SCN9A: variants seen among roughly 807,000 people sequenced by gnomAD.
SCN9A encodes sodium channel protein type 9 subunit alpha.
Under a neutral mutation model 187.0 loss-of-function variants are expected in SCN9A, and 131 were observed. The ratio of observed to expected loss-of-function variants is 0.70; its 90% CI spans 0.61 to 0.81. The LOEUF is 0.81. Among genes scored for constraint, SCN9A ranks in the 30% least tolerant of loss-of-function variants. The pLI is 0.00. For missense variants in SCN9A, 2,252 were observed against 2,396.6 expected, an observed-to-expected ratio of 0.94 and a Z score of 1.26; for synonymous variants, 809 against 808.6, an observed-to-expected ratio of 1.00 and a Z score of -0.01.
chr2:166,242,495 C>G lies in SCN9A; in HGVS notation c.3627+7G>C, dbSNP rs1400405225. On this transcript the variant is annotated splice_region_variant and intron_variant, in intron 19 of 26. Transcript: ENST00000642356. ...CAATATATTGACTTAGGTGTCAGAT[C>G]ATTTACCAGGGCACCACTGCTGAGC... 1 of 1,566,406 alleles carries G rather than the reference C, an allele frequency of 6.4e-7. No homozygotes were observed. Among genetic ancestry groups the G allele is most frequent in the Non-Finnish European group, 8.7e-7 (1 of 1,153,710 alleles).
Position 166,306,504 on chromosome 2 carries a change from A to T in SCN9A, c.467+6T>A, listed in dbSNP as rs1366570582. The T allele has an allele frequency of 6.8e-7, 1 of 1,470,202 alleles. No homozygotes were observed. Among genetic ancestry groups the T allele is most frequent in the African/African-American group, 1.4e-5 (1 of 71,766 alleles). The allele number at this position is 1,470,202 out of a possible 1,614,324, so 91.1% of individuals were successfully genotyped here. ...ACTATATTAAAATGTACTTATACCCACTTACTCGACATTTTTGGTCCAGTC... is the reference window on the plus strand; with the variant it reads ...ACTATATTAAAATGTACTTATACCCTCTTACTCGACATTTTTGGTCCAGTC... On this transcript the variant is annotated splice_donor_region_variant and intron_variant, in intron 4 of 26. Coordinates refer to ENST00000642356, the MANE Select transcript of SCN9A (RefSeq NM_001365536.1).
chr2:166,319,931 T>C (rs921167574), intron 1 of SCN9A, among the ~76,000 whole-genome samples: 8 of 152,064 alleles, frequency 5.3e-5, no homozygotes, highest in African/African-American at 1.9e-4. Context: ...TCAGGTATAT[T>C]CCATTTAAAG....
intron 23 of SCN9A, among the ~76,000 whole-genome samples, chr2:166,227,047 A>G (rs1438079392): frequency 6.6e-6 from 1 of 152,118 alleles, no homozygotes; most frequent in Non-Finnish European, 1.5e-5. Flanking sequence ...AGTACTGTAA[A>G]TGAGACATTA....
intron 26 of SCN9A, 136 bp downstream of exon 26, chr2:166,203,819 G>A (rs1402412085): frequency 1.6e-6 from 1 of 623,164 alleles, no homozygotes; most frequent in Non-Finnish European, 2.7e-6. Flanking sequence ...TTGCTTTTTA[G>A]GATTTTTTCA....
rs1574761622 is a variant in SCN9A at position 166,228,831 on chromosome 2, C to A, written c.4066G>T (p.Gly1356Trp). 1 of 1,613,938 alleles carries A rather than the reference C, an allele frequency of 6.2e-7. No individual in the cohort carries two copies. The highest frequency in any genetic ancestry group is 2.2e-5 in the East Asian group (1 of 44,868). The stretch of plus-strand genomic sequence containing the variant: ...ACTTGACTTGCAGGAAACCGTGACC[C>A]ATCTGTGGTGTTAATACACTCATAG... ...KFYECINTTD[G>W]SRFPASQVPN... Residue 1356 changes from glycine (G) to tryptophan (W), a missense_variant, in exon 22 of 27, where the codon GGG becomes TGG. Physicochemically the swap from Gly to Trp is radical, Grantham distance 184 (BLOSUM62 -2). Transcript: ENST00000642356.
chr2:166,367,451 A>G (rs992187422), intron 1 of SCN9A, among the ~76,000 whole-genome samples: 1 of 151,962 alleles, frequency 6.6e-6, no homozygotes, highest in Non-Finnish European at 1.5e-5. Flanking sequence ...TTTTTAGTAG[A>G]GATGGGGTTT....
chr2:166,335,509 C>T (rs905628826), intron 1 of SCN9A, among the ~76,000 whole-genome samples: 14 of 152,054 alleles, frequency 9.2e-5, no homozygotes, highest in African/African-American at 2.9e-4. Context: ...GTAAGACTGC[C>T]GTTGACCTTC....
At chr2:166,259,897 AC>A (rs1431552351) in intron 17 of SCN9A, among the ~76,000 whole-genome samples, 1 of 150,844 alleles carries the variant, frequency 6.6e-6, no homozygotes, top group Non-Finnish European at 1.5e-5. Context: ...CCTGAAAAAA[AC>A]AAATGGTCTA....
At chr2:166,232,031 C>T (rs1001138003) in intron 21 of SCN9A, among the ~76,000 whole-genome samples, 1 of 152,044 alleles carries the variant, frequency 6.6e-6, no homozygotes, top group Non-Finnish European at 1.5e-5. Context: ...TAAATTGAGC[C>T]TTAAAGGACA....
intron 1 of SCN9A, among the ~76,000 whole-genome samples, chr2:166,315,604 G>C (rs1699090276): frequency 6.6e-6 from 1 of 152,290 alleles, no homozygotes. Context: ...CTCTAGTTTG[G>C]AGAGGTGAAA....
At chr2:166,311,886 A>G in intron 1 of SCN9A, 80 bp from the exon 2 acceptor site, 1 of 799,152 alleles carries the variant, frequency 1.3e-6, no homozygotes, top group African/African-American at 1.7e-5. Flanking sequence ...TAACAACATA[A>G]ACAGATTTTT....
chr2:166,310,422 C>T (rs1280441208), intron 2 of SCN9A, among the ~76,000 whole-genome samples: 1 of 81,762 alleles, frequency 1.2e-5, no homozygotes, highest in Non-Finnish European at 2.5e-5. Flanking sequence ...ACAAACAACC[C>T]CATCAAAAAG....
intron 1 of SCN9A, among the ~76,000 whole-genome samples, chr2:166,337,900 C>T (rs1699668215): frequency 6.6e-6 from 1 of 152,104 alleles, no homozygotes; most frequent in East Asian, 1.9e-4. Context: ...GAACTCAATA[C>T]ATACCTCTAT....
At chr2:166,236,947 T>C (rs1287370976) in intron 20 of SCN9A, among the ~76,000 whole-genome samples, 11 of 152,246 alleles carry the variant, frequency 7.2e-5, no homozygotes, top group Non-Finnish European at 1.5e-4. Flanking sequence ...CATATACAAA[T>C]TTGCGTGTTG....
chr2:166,225,834 G>C (rs1296428349), intron 24 of SCN9A, among the ~76,000 whole-genome samples: 2 of 152,064 alleles, frequency 1.3e-5, no homozygotes, highest in African/African-American at 4.8e-5. Context: ...CATAAACCAA[G>C]AAACACCTGG....
At chr2:166,209,028 T>A (rs1693953338) in intron 24 of SCN9A, among the ~76,000 whole-genome samples, 1 of 152,190 alleles carries the variant, frequency 6.6e-6, no homozygotes, top group African/African-American at 2.4e-5. Flanking sequence ...TATGGAGCAC[T>A]GAAAGAACCA....
chr2:166,348,045 T>G (rs1348103658), intron 1 of SCN9A, among the ~76,000 whole-genome samples: 1 of 152,188 alleles, frequency 6.6e-6, no homozygotes, highest in Non-Finnish European at 1.5e-5. Context: ...CTTTTTCCTA[T>G]GGCAAGATGG....
chr2:166,217,799 G>A (rs1001783834), intron 24 of SCN9A, among the ~76,000 whole-genome samples: 2 of 151,942 alleles, frequency 1.3e-5, no homozygotes, highest in African/African-American at 2.4e-5. Context: ...GAGAAAAATA[G>A]CATGGAAGTT....
chr2:166,336,666 T>G (rs546570808), intron 1 of SCN9A, among the ~76,000 whole-genome samples: 1 of 152,238 alleles, frequency 6.6e-6, no homozygotes, highest in Non-Finnish European at 1.5e-5. Context: ...GTAAACGGCC[T>G]GAGAGGCTGG....
Sources: gnomAD v4.1 joint callset for allele counts (sites outside exome capture counted in the v4.1 genomes callset) on GRCh38, gnomAD v4.1.1 for gene constraint, MANE v1.5 for transcripts, NCBI Gene and HGNC (gene_info 2026-07-23, HGNC 2026-07-21) for gene names.